ZNF277: variants seen among roughly 807,000 people sequenced by gnomAD.
The protein encoded by ZNF277 is zinc finger protein 277, also known as nuclear receptor-interacting factor 4.
A neutral mutation model predicts 60.7 loss-of-function variants in ZNF277; 55 were observed. That is an observed-to-expected ratio of 0.91 (90% CI 0.73 to 1.13). ZNF277 has a LOEUF of 1.13. Ranked by LOEUF, ZNF277 falls within the 50% of genes most tolerant of loss-of-function variation. The pLI, the probability that ZNF277 is intolerant of heterozygous loss-of-function variation, is 0.00. For synonymous variants in ZNF277, 178 were observed against 179.3 expected (o/e 0.99, Z 0.06); for missense variants, 510 against 523.0 (o/e 0.98, Z 0.24).
intron 9 of ZNF277, among the ~76,000 whole-genome samples, chr7:112,338,252 G>A (rs530690623): frequency 6.6e-6 from 1 of 152,270 alleles, no homozygotes; most frequent in East Asian, 1.9e-4. Flanking sequence ...AGTTCCTTCA[G>A]GTGCCAGGAT....
At chr7:112,286,598 C>T (rs1027100882) in intron 1 of ZNF277, among the ~76,000 whole-genome samples, 5 of 152,136 alleles carry the variant, frequency 3.3e-5, no homozygotes, top group African/African-American at 1.2e-4. Flanking sequence ...AAGAAGAAGG[C>T]TTGAACAGCT....
chr7:112,293,632 G>A (rs935163972), intron 2 of ZNF277, among the ~76,000 whole-genome samples: 4 of 151,932 alleles, frequency 2.6e-5, no homozygotes, highest in African/African-American at 9.7e-5. Flanking sequence ...TGTTCACGAG[G>A]ATCCAAGCTC....
chr7:112,239,941 G>A (rs1189962414), intron 1 of ZNF277, among the ~76,000 whole-genome samples: 1 of 152,146 alleles, frequency 6.6e-6, no homozygotes, highest in Non-Finnish European at 1.5e-5. Flanking sequence ...GTTTAAAAAT[G>A]GGAAGAGTTT....
At chr7:112,323,188 G>T (rs1793023560) in intron 5 of ZNF277, among the ~76,000 whole-genome samples, 1 of 152,096 alleles carries the variant, frequency 6.6e-6, no homozygotes. Context: ...GTTTTTCTGG[G>T]GCTTACATAG....
At chr7:112,319,263 A>C (rs1044467023) in intron 5 of ZNF277, among the ~76,000 whole-genome samples, 1 of 152,054 alleles carries the variant, frequency 6.6e-6, no homozygotes, top group Non-Finnish European at 1.5e-5. Flanking sequence ...TATGATGAAC[A>C]TTCCCCATCT....
chr7:112,314,670 C>G lies in ZNF277; in HGVS notation c.466-3512C>G, dbSNP rs781300223. Among the ~76,000 whole-genome samples the G allele has an allele frequency of 3.9e-5, 6 of 151,942 alleles. 1 individual carries two copies. The highest frequency in any genetic ancestry group is 8.8e-5 in the Non-Finnish European group (6 of 67,970). The stretch of plus-strand genomic sequence containing the variant: ...AATTAACCGGGCATAGTTGTATGCC[C>G]CTGTAGTCCCAGCTACTTGGGATGC... On this transcript the variant is annotated intron_variant, in intron 4 of 11. Transcript: ENST00000361822.
chr7:112,335,771 C>T (rs1236750865), intron 7 of ZNF277, among the ~76,000 whole-genome samples: 1 of 152,094 alleles, frequency 6.6e-6, no homozygotes, highest in Non-Finnish European at 1.5e-5. Flanking sequence ...ATTAGAATCC[C>T]AGATATTCTA....
At chr7:112,326,741 G>A (rs187467593) in intron 5 of ZNF277, among the ~76,000 whole-genome samples, 2 of 149,924 alleles carry the variant, frequency 1.3e-5, no homozygotes, top group Non-Finnish European at 3.0e-5. Flanking sequence ...ACATTTTTTT[G>A]GGGGGGGACC....
chr7:112,248,192 G>A (rs1237600906), intron 1 of ZNF277, among the ~76,000 whole-genome samples: 2 of 151,818 alleles, frequency 1.3e-5, no homozygotes, highest in African/African-American at 2.4e-5. Flanking sequence ...AAAATTTAAT[G>A]TATTTCCAAG....
intron 2 of ZNF277, among the ~76,000 whole-genome samples, chr7:112,293,488 G>A (rs1792254739): frequency 6.6e-6 from 1 of 151,584 alleles, no homozygotes; most frequent in Admixed American, 6.6e-5. Context: ...CTGAGGTGGG[G>A]AGGATGTCTT....
chr7:112,264,828 T>C (rs550639094), intron 1 of ZNF277, among the ~76,000 whole-genome samples: 1 of 152,238 alleles, frequency 6.6e-6, no homozygotes, highest in Admixed American at 6.5e-5. Flanking sequence ...CAAAAAATAA[T>C]GTACATACCT....
At chr7:112,282,917 G>A (rs1791980694) in intron 1 of ZNF277, among the ~76,000 whole-genome samples, 1 of 152,164 alleles carries the variant, frequency 6.6e-6, no homozygotes, top group Non-Finnish European at 1.5e-5. Context: ...CTCCTTCATA[G>A]GGTTATTGTG....
In ZNF277 at chr7:112,310,489, G is replaced by GAGAGAGAGAGAA. The variant is rs1305151299; in HGVS notation, c.466-7693_466-7692insAGAGAGAGAGAA. On this transcript the variant is annotated intron_variant, in intron 4 of 11. Transcript: ENST00000361822. ...AGAGAGAGAGAGAGAGTGTGTGTGTGTGTATGTATTTTATTTTTTATTTGC... is the reference window on the plus strand; with the variant it reads ...AGAGAGAGAGAGAGAGTGTGTGTGTGAGAGAGAGAGAATGTATGTATTTTATTTTTTATTTGC... Among the ~76,000 whole-genome samples, 7 of 142,878 alleles carry GAGAGAGAGAGAA rather than the reference G, an allele frequency of 4.9e-5. 1 individual carries two copies. Among genetic ancestry groups the GAGAGAGAGAGAA allele is most frequent in the African/African-American group, 1.8e-4 (6 of 33,672 alleles). The allele number at this position is 142,878 out of a possible 152,430, so 93.7% of individuals were successfully genotyped here.
chr7:112,291,069 A>G (rs546241826), intron 2 of ZNF277, among the ~76,000 whole-genome samples: 183 of 152,318 alleles, frequency 1.2e-3, no homozygotes, highest in African/African-American at 4.0e-3. Flanking sequence ...AAATAACACT[A>G]AAACTTCCTG....
At chr7:112,273,198 T>A (rs1258303769) in intron 1 of ZNF277, among the ~76,000 whole-genome samples, 3 of 152,166 alleles carry the variant, frequency 2.0e-5, no homozygotes, top group African/African-American at 7.2e-5. Flanking sequence ...AAGTGCACTT[T>A]AGCCCGTGGT....
At chr7:112,223,418 A>G (rs960520596) in intron 1 of ZNF277, among the ~76,000 whole-genome samples, 1 of 152,186 alleles carries the variant, frequency 6.6e-6, no homozygotes, top group South Asian at 2.1e-4. Context: ...GACTGAGGTC[A>G]ACAGGTCTGT....
At chr7:112,215,033 TG>T (rs1821845406) in intron 1 of ZNF277, among the ~76,000 whole-genome samples, 2 of 152,160 alleles carry the variant, frequency 1.3e-5, no homozygotes, top group African/African-American at 4.8e-5. Flanking sequence ...CTATGAATCT[TG>T]AGGCACTATG....
intron 4 of ZNF277, among the ~76,000 whole-genome samples, chr7:112,307,484 G>A (rs1180429043): frequency 6.6e-6 from 1 of 151,122 alleles, no homozygotes. Flanking sequence ...GTGTGATCTC[G>A]GCTCACTGCA....
At position 112,342,946 on chromosome 7, in the gene ZNF277, G is replaced by A. The variant is rs1793473608; in HGVS notation, c.*217G>A. 3 of 334,058 alleles carry A rather than the reference G, an allele frequency of 9.0e-6. No homozygotes were observed. The East Asian group carries it at 1.5e-4, about 16-fold the overall frequency. 20.7% of individuals were successfully genotyped at this position (334,058 alleles called of 1,614,324 possible). A position where few individuals can be genotyped will look rare whatever the true frequency, so the allele number is the denominator to read the frequency against. On this transcript the variant is annotated 3_prime_UTR_variant, in exon 12 of 12. Transcript: ENST00000361822. ...AAAAAATGAAGTAGGAAAATAAGAT[G>A]AAGACTTTGTATTTTGGCTGTAAAG...
Sources: allele counts gnomAD v4.1 joint callset (sites outside exome capture counted in the v4.1 genomes callset), GRCh38; gene constraint gnomAD v4.1.1; transcripts MANE v1.5; gene names NCBI Gene and HGNC (gene_info 2026-07-23, HGNC 2026-07-21).